CACNA1H: variants seen among roughly 807,000 people sequenced by gnomAD.
CACNA1H encodes calcium voltage-gated channel subunit alpha1 H, also known as voltage-dependent T-type calcium channel subunit alpha-1H.
CACNA1H carries 149 observed loss-of-function variants against 192.5 expected under a neutral mutation model. The observed-to-expected ratio is 0.77, with a 90% CI of 0.68 to 0.89. CACNA1H has a LOEUF of 0.89. Ranked by LOEUF, CACNA1H falls within the 40% of genes least tolerant of loss-of-function variation. The pLI, the probability that CACNA1H is intolerant of heterozygous loss-of-function variation, is 0.00. For missense variants in CACNA1H, 4,257 were observed against 3,423.5 expected (o/e 1.24, Z -6.08); for synonymous variants, 2,202 against 1,475.2 (o/e 1.49, Z -11.29).
At chr16:1,200,207 G>T (rs765436761) in intron 6 of CACNA1H, 49 bp from the exon 7 acceptor site, 4 of 1,481,140 alleles carry the variant, frequency 2.7e-6, no homozygotes, top group Admixed American at 2.1e-5. Flanking sequence ...GACTCTGACC[G>T]TCCCTGACCC....
At chr16:1,207,162 G>C in intron 13 of CACNA1H, 44 bp downstream of exon 13, 2 of 1,553,860 alleles carry the variant, frequency 1.3e-6, no homozygotes, top group Non-Finnish European at 8.7e-7. Context: ...GCTGAGTGTG[G>C]TCCCCAGAGA....
intron 5 of CACNA1H, among the ~76,000 whole-genome samples, chr16:1,198,210 G>C (rs935266246): frequency 6.6e-6 from 1 of 152,156 alleles, no homozygotes; most frequent in Non-Finnish European, 1.5e-5. Context: ...ACTGGGCTCC[G>C]CCTGGTCATC....
At chr16:1,203,181 G>A (rs548016370) in intron 9 of CACNA1H, among the ~76,000 whole-genome samples, 5 of 152,180 alleles carry the variant, frequency 3.3e-5, no homozygotes, top group Admixed American at 3.3e-4. Flanking sequence ...TCGGGCGCAT[G>A]CTCCTAGCCC....
chr16:1,214,793 C>A (rs1479229853), intron 27 of CACNA1H, among the ~76,000 whole-genome samples, 179 bp from the exon 28 acceptor site: 1 of 152,144 alleles, frequency 6.6e-6, no homozygotes, highest in African/African-American at 2.4e-5. Flanking sequence ...CGGAGCACTT[C>A]CTGTATGCTG....
Position 1,210,350 on chromosome 16 carries a change from A to AAAACCCCCCCCCCCCCCCCC in CACNA1H, c.3846-20_3846-19insAAACCCCCCCCCCCCCCCCC. 1 of 313,946 alleles carries AAAACCCCCCCCCCCCCCCCC rather than the reference A, an allele frequency of 3.2e-6. No homozygotes were observed. Among genetic ancestry groups the AAAACCCCCCCCCCCCCCCCC allele is most frequent in the Non-Finnish European group, 4.6e-6 (1 of 215,956 alleles). 19.4% of individuals were successfully genotyped at this position (313,946 alleles called of 1,614,324 possible). ...TCCACGCCGCCCCGCCCCACCTCTC[A>AAAACCCCCCCCCCCCCCCCC]CCCGCCCCCGCCCACCCAGGTTCCG... On this transcript the variant is annotated intron_variant, in intron 18 of 34. Coordinates refer to ENST00000348261, the MANE Select transcript of CACNA1H (RefSeq NM_021098.3).
At chr16:1,211,137 T>A in intron 21 of CACNA1H, 31 bp from the exon 22 acceptor site, 4 of 1,608,582 alleles carry the variant, frequency 2.5e-6, no homozygotes, top group Non-Finnish European at 3.4e-6. Flanking sequence ...CTGCCATAGA[T>A]GACTGCAGTG....
Position 1,219,061 on chromosome 16 carries a change from G to A in CACNA1H, c.5979G>A (p.Glu1993=), listed in dbSNP as rs1970268959. 1 of 1,549,714 alleles carries A rather than the reference G, an allele frequency of 6.5e-7. No homozygotes were observed. The highest frequency in any genetic ancestry group is 2.0e-5 in the Admixed American group (1 of 50,976). Residue 1993 remains glutamate (E), a synonymous_variant, in exon 34 of 35, where the codon GAG becomes GAA. Coordinates refer to ENST00000348261, the MANE Select transcript of CACNA1H (RefSeq NM_021098.3). The stretch of plus-strand genomic sequence containing the variant: ...TGTCGTCCCCAGCCAGGAGCGGCGA[G>A]CCCCTCCACGCCCTGTCCCCTCGGG... ...LAVSSPARSG[E]PLHALSPRGT...
At chr16:1,192,967 C>T (rs1049698943) in intron 2 of CACNA1H, among the ~76,000 whole-genome samples, 1 of 152,116 alleles carries the variant, frequency 6.6e-6, no homozygotes, top group Non-Finnish European at 1.5e-5. Context: ...AGTCCCACCA[C>T]CCCCCATTGG....
At chr16:1,208,619 C>A (rs1162446535) in intron 16 of CACNA1H, among the ~76,000 whole-genome samples, 1 of 152,152 alleles carries the variant, frequency 6.6e-6, no homozygotes, top group African/African-American at 2.4e-5. Flanking sequence ...TGGAGGGGAG[C>A]AGTTTTGAAA....
chr16:1,179,730 C>CTT lies in CACNA1H; in HGVS notation c.300-15221_300-15220dup, dbSNP rs758652517. ...AGGTGTGAGCCACCACGCCCGGCCT[C>CTT]TTTTTTTTTTTTTTTTTTTTTTGAG... is the stretch of plus-strand genomic sequence containing the variant. On this transcript the variant is annotated intron_variant, in intron 2 of 34. Coordinates refer to ENST00000348261, the MANE Select transcript of CACNA1H (RefSeq NM_021098.3). Among the ~76,000 whole-genome samples, 172 of 109,042 alleles carry CTT rather than the reference C, an allele frequency of 1.6e-3. 1 individual carries two copies. Among genetic ancestry groups the CTT allele is most frequent in the Non-Finnish European group, 1.9e-3 (101 of 53,984 alleles). The allele number at this position is 109,042 out of a possible 152,430, so 71.5% of individuals were successfully genotyped here.
chr16:1,210,034 G>A lies in CACNA1H; in HGVS notation c.3745-1G>A. On this transcript the variant is annotated splice_acceptor_variant, in intron 17 of 34. Coordinates refer to ENST00000348261, the MANE Select transcript of CACNA1H (RefSeq NM_021098.3). LOFTEE classifies it high-confidence loss of function. ...TGAGAAGCCGCCGCCTCATCCCACAGAGCTGCTGCCTCCGCCTGCATAAAG... is the reference window on the plus strand; with the variant it reads ...TGAGAAGCCGCCGCCTCATCCCACAAAGCTGCTGCCTCCGCCTGCATAAAG... 6.5e-7 allele frequency: 1 copy of A among 1,549,030 alleles called. No individual in the cohort carries two copies. The highest frequency in any genetic ancestry group is 8.7e-7 in the Non-Finnish European group (1 of 1,146,940).
Position 1,202,226 on chromosome 16 carries a change from A to T in CACNA1H, c.1776A>T (p.Ala592=). 6.4e-7 allele frequency: 1 copy of T among 1,555,612 alleles called. No homozygotes were observed. Among genetic ancestry groups the T allele is most frequent in the Non-Finnish European group, 8.7e-7 (1 of 1,151,292 alleles). ...GGCCGCAGGAGAGGGCCCGGGTGGC[A>T]CATGCCGCAGCCACTGCCGCTGCCA... is the stretch of plus-strand genomic sequence containing the variant. ...IEGPQERARV[A]HAAATAAASL... The change falls in exon 9 of 35, where the codon GCA becomes GCT. Residue 592 remains alanine (A), a synonymous_variant. Transcript: ENST00000348261.
At chr16:1,175,304 C>T (rs1251553417) in intron 2 of CACNA1H, among the ~76,000 whole-genome samples, 1 of 152,214 alleles carries the variant, frequency 6.6e-6, no homozygotes, top group Non-Finnish European at 1.5e-5. Context: ...GGGTCCCCTG[C>T]TGGGTTCTGG....
At chr16:1,181,513 C>T (rs1965463880) in intron 2 of CACNA1H, among the ~76,000 whole-genome samples, 1 of 152,252 alleles carries the variant, frequency 6.6e-6, no homozygotes. Flanking sequence ...CACCAAGTGG[C>T]TGGCAGGGCC....
Position 1,187,214 on chromosome 16 carries a change from G to A in CACNA1H, c.300-7758G>A, listed in dbSNP as rs575659372. On this transcript the variant is annotated intron_variant, in intron 2 of 34. Transcript: ENST00000348261. ...GAATGAGGGGCCGGGAGGGGAGGAG[G>A]CGGCCAGCGCCGCGTGGGGCCGTGG... 2.0e-5 allele frequency among the ~76,000 whole-genome samples: 3 copies of A among 152,384 alleles called. 1 individual carries two copies. The East Asian group carries it at 5.8e-4, about 29-fold the overall frequency.
chr16:1,206,361 AC>A, intron 12 of CACNA1H, 72 bp downstream of exon 12: 12 of 1,439,630 alleles, frequency 8.3e-6, no homozygotes, highest in South Asian at 1.3e-5. Context: ...GGCCCAGGGC[AC>A]CCCCCGAAGG....
chr16:1,195,299 G>C lies in CACNA1H; in HGVS notation c.412-133G>C, dbSNP rs1324727632. The C allele has an allele frequency of 2.6e-4, 321 of 1,256,640 alleles. 2 individuals carry two copies. Among genetic ancestry groups the C allele is most frequent in the South Asian group, 1.0e-3 (70 of 68,710 alleles). 77.8% of individuals were successfully genotyped at this position (1,256,640 alleles called of 1,614,324 possible). On this transcript the variant is annotated intron_variant, in intron 3 of 34. Transcript: ENST00000348261. ...CAAGGCGAGGCAGGGCTCAGTTCCT[G>C]GGGCTCAGGGCGGGGCAGGGGCGGG...
chr16:1,158,831 A>G (rs1048314843), intron 2 of CACNA1H, among the ~76,000 whole-genome samples: 1 of 147,444 alleles, frequency 6.8e-6, no homozygotes, highest in Non-Finnish European at 1.5e-5. Flanking sequence ...CTCAGCCCGC[A>G]CCCCCGGCCC....
At chr16:1,197,037 G>A (rs947996834) in intron 5 of CACNA1H, among the ~76,000 whole-genome samples, 1 of 152,214 alleles carries the variant, frequency 6.6e-6, no homozygotes, top group African/African-American at 2.4e-5. Flanking sequence ...ACCCCCCAAA[G>A]TCACAGACCC....
Sources: allele counts gnomAD v4.1 joint callset (sites outside exome capture counted in the v4.1 genomes callset), GRCh38; gene constraint gnomAD v4.1.1; transcripts MANE v1.5; gene names NCBI Gene and HGNC (gene_info 2026-07-23, HGNC 2026-07-21).